ASTN2: variants seen among roughly 807,000 people sequenced by gnomAD.
ASTN2 encodes the protein astrotactin-2.
Under a neutral mutation model 139.8 loss-of-function variants are expected in ASTN2, and 54 were observed. The observed-to-expected ratio is 0.39, with a 90% CI of 0.31 to 0.48. The LOEUF (loss-of-function observed/expected upper bound fraction) is 0.48. Ranked by LOEUF, ASTN2 falls within the 20% of genes least tolerant of loss-of-function variation. The probability of loss-of-function intolerance (pLI) is 0.95; values close to 1 mark genes in which losing one functional copy is unlikely to be tolerated. For missense variants in ASTN2, 1,565 were observed against 1,725.1 expected (o/e 0.91, Z 1.64); for synonymous variants, 756 against 719.5 (o/e 1.05, Z -0.81).
intron 19 of ASTN2, among the ~76,000 whole-genome samples, chr9:116,595,045 A>G (rs540249801): frequency 5.7e-4 from 87 of 152,376 alleles, no homozygotes; most frequent in African/African-American, 2.1e-3. Context: ...TCTGAGTGAG[A>G]AAGAATTAGG....
At chr9:116,483,097 C>T (rs1386827907) in intron 20 of ASTN2, among the ~76,000 whole-genome samples, 1 of 152,220 alleles carries the variant, frequency 6.6e-6, no homozygotes, top group Admixed American at 6.5e-5. Context: ...CCCAGCCAGG[C>T]CTGAGCCATT....
intron 16 of ASTN2, among the ~76,000 whole-genome samples, chr9:116,720,625 T>C (rs1285052961): frequency 6.7e-6 from 1 of 149,934 alleles, no homozygotes; most frequent in Non-Finnish European, 1.5e-5. Context: ...TGTCCCTCCC[T>C]CTCTCTCACA....
At chr9:117,274,258 G>A (rs1439675241) in intron 2 of ASTN2, among the ~76,000 whole-genome samples, 1 of 152,208 alleles carries the variant, frequency 6.6e-6, no homozygotes, top group Non-Finnish European at 1.5e-5. Context: ...GCTGAGGCAG[G>A]AGAATCGCCT....
Position 116,748,800 on chromosome 9 carries a change from A to C in ASTN2, c.2397-15277T>G, listed in dbSNP as rs531522042. ...TGTCCAAGTTTTACGAAGCTGTGCC[A>C]ATAACTTGCTGTGTGATCTTGAGCA... is the stretch of plus-strand genomic sequence containing the variant. On this transcript the variant is annotated intron_variant, in intron 13 of 22. Transcript: ENST00000313400. Among the ~76,000 whole-genome samples the C allele has an allele frequency of 1.7e-3, 259 of 152,214 alleles. 3 individuals are homozygous for C. The highest frequency in any genetic ancestry group is 3.0e-3 in the Non-Finnish European group (202 of 67,988).
intron 10 of ASTN2, among the ~76,000 whole-genome samples, chr9:116,953,844 G>C (rs2132490913): frequency 6.6e-6 from 1 of 152,300 alleles, no homozygotes; most frequent in Middle Eastern, 3.4e-3. Flanking sequence ...TAGCTCATTA[G>C]TGGCAGAGCT....
At chr9:117,175,366 T>C (rs569122158) in intron 3 of ASTN2, among the ~76,000 whole-genome samples, 1 of 152,272 alleles carries the variant, frequency 6.6e-6, no homozygotes, top group Admixed American at 6.5e-5. Flanking sequence ...TTTTGTGAAT[T>C]TTGCAAGTGA....
intron 13 of ASTN2, among the ~76,000 whole-genome samples, chr9:116,780,045 C>A (rs4837857): frequency 0.79 from 120,232 of 152,134 alleles, 49,098 homozygotes; most frequent in Non-Finnish European, 0.9. Context: ...ATTCACTCAC[C>A]CACTCATTCA....
intron 10 of ASTN2, among the ~76,000 whole-genome samples, chr9:116,895,565 A>T (rs766495864): frequency 6.6e-6 from 1 of 152,210 alleles, no homozygotes; most frequent in African/African-American, 2.4e-5. Context: ...GCTTTCTGAA[A>T]GGAGTTTGGT....
At chr9:116,731,506 T>C (rs1000498692) in intron 14 of ASTN2, among the ~76,000 whole-genome samples, 1 of 152,136 alleles carries the variant, frequency 6.6e-6, no homozygotes, top group Non-Finnish European at 1.5e-5. Flanking sequence ...CACTGCAACC[T>C]CCACCTCCTG....
intron 19 of ASTN2, among the ~76,000 whole-genome samples, chr9:116,600,370 G>C (rs912851179): frequency 1.4e-5 from 2 of 143,298 alleles, no homozygotes; most frequent in African/African-American, 5.1e-5. Context: ...GAAAGAAAAA[G>C]AAAAAGACTA....
At chr9:116,484,898 G>T (rs928324142) in intron 20 of ASTN2, among the ~76,000 whole-genome samples, 1 of 152,170 alleles carries the variant, frequency 6.6e-6, no homozygotes, top group Non-Finnish European at 1.5e-5. Flanking sequence ...TTGCTTTCAG[G>T]ATTCCATAAA....
At chr9:116,641,890 T>G (rs1009484375) in intron 17 of ASTN2, among the ~76,000 whole-genome samples, 1 of 152,074 alleles carries the variant, frequency 6.6e-6, no homozygotes, top group Non-Finnish European at 1.5e-5. Flanking sequence ...GACAGTCTGA[T>G]TCTTGGCCGG....
intron 19 of ASTN2, among the ~76,000 whole-genome samples, chr9:116,581,117 G>A (rs1853932894): frequency 6.6e-6 from 1 of 152,114 alleles, no homozygotes; most frequent in Non-Finnish European, 1.5e-5. Context: ...TGACCTTCCT[G>A]CCGTTAAGCT....
rs1216440711 is a variant in ASTN2, at chr9:116,487,043, A to G, written c.3497+316T>C. 4.6e-5 allele frequency among the ~76,000 whole-genome samples: 7 copies of G among 152,170 alleles called. No individual in the cohort carries two copies. The East Asian group carries it at 1.3e-3, about 29-fold the overall frequency. On this transcript the variant is annotated intron_variant, in intron 20 of 22. Transcript: ENST00000313400. ...TCACTAGGCAGAGATCCCTGACCCA[A>G]CCATCCTTGATAACTTCATCTGTGC...
intron 10 of ASTN2, among the ~76,000 whole-genome samples, chr9:116,917,270 T>C (rs918956229): frequency 6.6e-6 from 1 of 152,124 alleles, no homozygotes; most frequent in African/African-American, 2.4e-5. Context: ...ACTACTTTCC[T>C]CCCTGGCACA....
chr9:117,236,594 C>T (rs934756741), intron 2 of ASTN2, among the ~76,000 whole-genome samples: 12 of 152,242 alleles, frequency 7.9e-5, no homozygotes, highest in African/African-American at 1.2e-4. Context: ...TGCTCTCAAG[C>T]GCCTGAAATA....
chr9:117,169,134 A>G (rs1830733478), intron 3 of ASTN2, among the ~76,000 whole-genome samples: 1 of 152,032 alleles, frequency 6.6e-6, no homozygotes, highest in Non-Finnish European at 1.5e-5. Context: ...TTATAAATAG[A>G]GGTTGCTAAT....
At chr9:117,054,138 C>A (rs1838991705) in intron 5 of ASTN2, among the ~76,000 whole-genome samples, 1 of 152,222 alleles carries the variant, frequency 6.6e-6, no homozygotes, top group Non-Finnish European at 1.5e-5. Context: ...CTGGTCTAAA[C>A]CTTTCAAGCC....
At chr9:117,257,903 C>G (rs4838358) in intron 2 of ASTN2, among the ~76,000 whole-genome samples, 2 of 152,234 alleles carry the variant, frequency 1.3e-5, no homozygotes, top group African/African-American at 2.4e-5. Flanking sequence ...GTTTTCCCAC[C>G]TATACAGTGG....
Sources: gnomAD v4.1 joint callset for allele counts (sites outside exome capture counted in the v4.1 genomes callset) on GRCh38, gnomAD v4.1.1 for gene constraint, MANE v1.5 for transcripts, NCBI Gene and HGNC (gene_info 2026-07-23, HGNC 2026-07-21) for gene names.